PIAS1: variants seen among roughly 807,000 people sequenced by gnomAD.
The protein encoded by PIAS1 is protein inhibitor of activated STAT 1.
PIAS1 carries 6 observed loss-of-function variants against 71.3 expected under a neutral mutation model. The ratio of observed to expected loss-of-function variants is 0.08; its 90% CI spans 0.05 to 0.17. PIAS1 has a LOEUF of 0.17. PIAS1 is among the 10% of genes least tolerant of loss of function. The probability of loss-of-function intolerance (pLI) is 1.00; values close to 1 mark genes in which losing one functional copy is unlikely to be tolerated. For synonymous variants in PIAS1, 303 were observed against 292.9 expected (o/e 1.03, Z -0.35); for missense variants, 555 against 793.6 (o/e 0.70, Z 3.61).
intron 2 of PIAS1, among the ~76,000 whole-genome samples, chr15:68,108,783 G>C (rs1287673839): frequency 6.6e-6 from 1 of 151,976 alleles, no homozygotes; most frequent in Non-Finnish European, 1.5e-5. Context: ...CTTTTGTTAT[G>C]TTCCAGTTTC....
chr15:68,170,620 C>G (rs2092985405), intron 8 of PIAS1, among the ~76,000 whole-genome samples: 1 of 152,076 alleles, frequency 6.6e-6, no homozygotes, highest in South Asian at 2.1e-4. Context: ...ATTTTTCTTT[C>G]TTCAGTAATA....
intron 1 of PIAS1, among the ~76,000 whole-genome samples, chr15:68,078,588 C>T (rs1043204430): frequency 6.6e-6 from 1 of 152,186 alleles, no homozygotes; most frequent in African/African-American, 2.4e-5. Flanking sequence ...AACATATACT[C>T]AGCTCTGGCT....
chr15:68,117,027 G>A (rs1190129836), intron 2 of PIAS1, among the ~76,000 whole-genome samples: 1 of 152,134 alleles, frequency 6.6e-6, no homozygotes, highest in Middle Eastern at 3.2e-3. Context: ...GTCTGTTTGT[G>A]ATGAGGACAT....
chr15:68,141,851 C>A, intron 2 of PIAS1, 95 bp from the exon 3 acceptor site: 2 of 714,556 alleles, frequency 2.8e-6, no homozygotes, highest in Non-Finnish European at 4.9e-6. Context: ...AGAATATATA[C>A]CAGTTAATTA....
At chr15:68,162,996 C>T (rs1053642367) in intron 7 of PIAS1, among the ~76,000 whole-genome samples, 1 of 152,214 alleles carries the variant, frequency 6.6e-6, no homozygotes, top group African/African-American at 2.4e-5. Context: ...GCACATCTTC[C>T]TCACTCATCC....
intron 11 of PIAS1, among the ~76,000 whole-genome samples, chr15:68,180,323 C>CT (rs2093046284): frequency 6.6e-6 from 1 of 152,056 alleles, no homozygotes; most frequent in Non-Finnish European, 1.5e-5. Context: ...TGGGCAACTT[C>CT]TGGGCTGAAA....
intron 2 of PIAS1, among the ~76,000 whole-genome samples, chr15:68,119,090 C>A (rs1299358327): frequency 1.0e-5 from 1 of 98,856 alleles, no homozygotes; most frequent in African/African-American, 4.1e-5. Context: ...CAGCAACAAA[C>A]CAAATAACCC....
chr15:68,075,447 A>G (rs771329243), intron 1 of PIAS1, among the ~76,000 whole-genome samples: 32 of 152,198 alleles, frequency 2.1e-4, no homozygotes, highest in African/African-American at 7.7e-4. Flanking sequence ...ACTTTAAATC[A>G]TAAAACTTAA....
chr15:68,180,216 T>C (rs2093045493), intron 11 of PIAS1, among the ~76,000 whole-genome samples: 1 of 152,110 alleles, frequency 6.6e-6, no homozygotes, highest in African/African-American at 2.4e-5. Flanking sequence ...TCCTCTCATC[T>C]ATCTCCCAAG....
At chr15:68,129,747 A>G (rs1437508821) in intron 2 of PIAS1, among the ~76,000 whole-genome samples, 1 of 151,840 alleles carries the variant, frequency 6.6e-6, no homozygotes, top group East Asian at 1.9e-4. Context: ...ACATGTCCTC[A>G]AAACTTAAAA....
Position 68,120,643 on chromosome 15 carries a change from G to A in PIAS1, c.470-21303G>A, listed in dbSNP as rs570770329. Among the ~76,000 whole-genome samples, 4 of 151,638 alleles carry A rather than the reference G, an allele frequency of 2.6e-5. No individual in the cohort carries two copies. The East Asian group carries it at 7.8e-4, about 29-fold the overall frequency. On this transcript the variant is annotated intron_variant, in intron 2 of 13. Transcript: ENST00000249636. ...GTGCTATTCTTGTCATACATTTTACGTCCATGTAAGTTTGTTGTTGTTGTT... is the reference window on the plus strand; with the variant it reads ...GTGCTATTCTTGTCATACATTTTACATCCATGTAAGTTTGTTGTTGTTGTT...
intron 7 of PIAS1, among the ~76,000 whole-genome samples, chr15:68,157,948 T>A (rs73423789): frequency 0.022 from 3,306 of 152,326 alleles, 111 homozygotes; most frequent in African/African-American, 0.076. Context: ...CATGCTATCA[T>A]TGCCCTTGTT....
At chr15:68,109,869 T>C (rs1270643087) in intron 2 of PIAS1, among the ~76,000 whole-genome samples, 1 of 152,224 alleles carries the variant, frequency 6.6e-6, no homozygotes, top group Admixed American at 6.5e-5. Flanking sequence ...TACTCACTTT[T>C]GTATACCATT....
chr15:68,177,278 CAAAAAAAA>C (rs3083984), intron 11 of PIAS1, among the ~76,000 whole-genome samples: 2 of 90,880 alleles, frequency 2.2e-5, no homozygotes, highest in South Asian at 4.7e-4. Flanking sequence ...GACTTTGTCT[CAAAAAAAA>C]AAAAAAAAAA....
chr15:68,129,993 A>C (rs2092678957), intron 2 of PIAS1, among the ~76,000 whole-genome samples: 1 of 151,996 alleles, frequency 6.6e-6, no homozygotes, highest in South Asian at 2.1e-4. Flanking sequence ...TGTTTTTTAC[A>C]GTGAGTATTG....
At chr15:68,179,932 T>C (rs1351547491) in intron 11 of PIAS1, among the ~76,000 whole-genome samples, 1 of 152,144 alleles carries the variant, frequency 6.6e-6, no homozygotes, top group Non-Finnish European at 1.5e-5. Context: ...CCAGGTACTT[T>C]ACATGAAGCA....
At chr15:68,168,020 A>AT (rs1264884340) in intron 8 of PIAS1, among the ~76,000 whole-genome samples, 1 of 145,726 alleles carries the variant, frequency 6.9e-6, no homozygotes, top group Non-Finnish European at 1.5e-5. Flanking sequence ...TTAAAATTTT[A>AT]TTTTTTGAGA....
At chr15:68,117,058 G>GT (rs939369332) in intron 2 of PIAS1, among the ~76,000 whole-genome samples, 16 of 151,894 alleles carry the variant, frequency 1.1e-4, no homozygotes, top group East Asian at 1.9e-4. Flanking sequence ...CCCTTCTAGC[G>GT]TTTTTTTGTT....
intron 2 of PIAS1, among the ~76,000 whole-genome samples, chr15:68,104,611 G>A (rs1298709107): frequency 6.6e-6 from 1 of 152,162 alleles, no homozygotes; most frequent in Non-Finnish European, 1.5e-5. Context: ...CATGGAGGTA[G>A]TGATGATGGT....
Sources: gnomAD v4.1 joint callset for allele counts (sites outside exome capture counted in the v4.1 genomes callset) on GRCh38, gnomAD v4.1.1 for gene constraint, MANE v1.5 for transcripts, NCBI Gene and HGNC (gene_info 2026-07-23, HGNC 2026-07-21) for gene names.